SIAH1: variants seen among roughly 807,000 people sequenced by gnomAD.
SIAH1 encodes the protein E3 ubiquitin-protein ligase SIAH1.
Under a neutral mutation model 20.0 loss-of-function variants are expected in SIAH1, and 2 were observed. That is an observed-to-expected ratio of 0.10 (90% CI 0.04 to 0.31). SIAH1 has a LOEUF of 0.31. Among genes scored for constraint, SIAH1 ranks in the 10% least tolerant of loss-of-function variants. The pLI is 1.00. For missense variants in SIAH1, 119 were observed against 355.3 expected (o/e 0.33, Z 5.35); for synonymous variants, 118 against 125.3 (o/e 0.94, Z 0.39).
chr16:48,385,496 G>A (rs1262008172), upstream of SIAH1: 1 of 150,448 alleles, frequency 6.6e-6, no homozygotes, highest in Non-Finnish European at 1.5e-5. Context: ...TGGGAGCCTG[G>A]GGGGGCGGGG....
intron 1 of SIAH1, chr16:48,365,338 A>C: frequency 6.2e-7 from 1 of 1,606,724 alleles, no homozygotes; most frequent in Non-Finnish European, 8.5e-7. Flanking sequence ...ACTGACTAAT[A>C]GCGTTCAAGT....
chr16:48,365,967 G>T, intron 1 of SIAH1: 1 of 1,128,588 alleles, frequency 8.9e-7, no homozygotes, highest in Admixed American at 4.6e-5. Flanking sequence ...TCCAACCCGG[G>T]GCGCCAGGGC....
chr16:48,361,770 T>A lies in SIAH1; in HGVS notation c.659A>T (p.Asn220Ile). The change falls in exon 2 of 2, where the codon AAT (asparagine) becomes ATT (isoleucine). Residue 220 changes from asparagine (N) to isoleucine (I), a missense_variant. By Grantham distance (149) the Asn-to-Ile change is moderately radical. Transcript: ENST00000394725. The part of the protein sequence containing the change: ...QLIGTRKQAE[N>I]FAYRLELNGH... ...ATTTAGCTCAAGTCGGTAAGCAAAA[T>A]TTTCAGCTTGCTTGCGTGTTCCTAT... The A allele has an allele frequency of 6.2e-7, 1 of 1,614,078 alleles. No homozygotes were observed. Among genetic ancestry groups the A allele is most frequent in the Non-Finnish European group, 8.5e-7 (1 of 1,179,992 alleles).
Position 48,361,285 on chromosome 16 carries a change from C to T in SIAH1, c.*295G>A. On this transcript the variant is annotated 3_prime_UTR_variant, in exon 2 of 2. Coordinates refer to ENST00000394725, the MANE Select transcript of SIAH1 (RefSeq NM_003031.4). ...CTTTTTCAACAATACAATCAATCTACAACAAACACAAAACTCAGAATTATT... is the reference window on the plus strand; with the variant it reads ...CTTTTTCAACAATACAATCAATCTATAACAAACACAAAACTCAGAATTATT... 1 of 321,594 alleles carries T rather than the reference C, an allele frequency of 3.1e-6. No homozygotes were observed. Among genetic ancestry groups the T allele is most frequent in the Non-Finnish European group, 5.9e-6 (1 of 169,078 alleles). 19.9% of individuals were successfully genotyped at this position (321,594 alleles called of 1,614,324 possible). A position where few individuals can be genotyped will look rare whatever the true frequency, so the allele number is the denominator to read the frequency against.
At chr16:48,384,696 G>A (rs1374072183) in intron 1 of SIAH1, among the ~76,000 whole-genome samples, 2 of 151,220 alleles carry the variant, frequency 1.3e-5, no homozygotes, top group African/African-American at 4.8e-5. Context: ...GAGCGGCGCG[G>A]TGCGGCCCGG....
intron 1 of SIAH1, among the ~76,000 whole-genome samples, chr16:48,371,048 A>C (rs1597026475): frequency 6.8e-6 from 1 of 146,226 alleles, no homozygotes; most frequent in African/African-American, 2.5e-5. Context: ...CGGGAGGGGG[A>C]GGTTGCAGTG....
chr16:48,375,213 A>C (rs1176054012), intron 1 of SIAH1, among the ~76,000 whole-genome samples: 1 of 152,202 alleles, frequency 6.6e-6, no homozygotes, highest in Non-Finnish European at 1.5e-5. Flanking sequence ...TAGTAAACTG[A>C]AAACAGCCCT....
At chr16:48,381,265 A>G (rs1049722465) in intron 1 of SIAH1, among the ~76,000 whole-genome samples, 8 of 152,138 alleles carry the variant, frequency 5.3e-5, no homozygotes. Context: ...GAATCACTTG[A>G]ACCCAGGAGG....
intron 1 of SIAH1, among the ~76,000 whole-genome samples, chr16:48,369,677 G>A (rs75267077): frequency 0.16 from 24,569 of 152,172 alleles, 2,182 homozygotes; most frequent in Middle Eastern, 0.27. Context: ...GGGATGTAAA[G>A]GCTGCAATGA....
At chr16:48,365,337 T>G (rs775947709) in intron 1 of SIAH1, 3 of 1,606,386 alleles carry the variant, frequency 1.9e-6, no homozygotes, top group Non-Finnish European at 2.6e-6. Context: ...CACTGACTAA[T>G]AGCGTTCAAG....
intron 1 of SIAH1, among the ~76,000 whole-genome samples, chr16:48,377,177 T>C (rs1961131021): frequency 6.6e-6 from 1 of 152,152 alleles, no homozygotes; most frequent in Admixed American, 6.6e-5. Flanking sequence ...TAATTAGTTC[T>C]CCAAAGGTTT....
chr16:48,369,746 TC>T (rs1031824364), intron 1 of SIAH1, among the ~76,000 whole-genome samples: 3 of 152,012 alleles, frequency 2.0e-5, no homozygotes, highest in Non-Finnish European at 4.4e-5. Flanking sequence ...AAGTGTAAGA[TC>T]CCCCTAAAAC....
chr16:48,372,705 G>C (rs898469622), intron 1 of SIAH1, among the ~76,000 whole-genome samples: 8 of 152,126 alleles, frequency 5.3e-5, no homozygotes, highest in African/African-American at 9.7e-5. Flanking sequence ...AAAAAATTAA[G>C]ATTTCATACG....
At chr16:48,372,267 A>G (rs1961004889) in intron 1 of SIAH1, among the ~76,000 whole-genome samples, 1 of 152,290 alleles carries the variant, frequency 6.6e-6, no homozygotes, top group African/African-American at 2.4e-5. Flanking sequence ...TTAAAATTCA[A>G]TTATATTCAG....
upstream of SIAH1, among the ~76,000 whole-genome samples, chr16:48,386,870 G>A (rs1961478057): frequency 6.6e-6 from 1 of 152,216 alleles, no homozygotes; most frequent in Non-Finnish European, 1.5e-5. Context: ...CGCTCTGCAA[G>A]CAGTGAAATG....
Position 48,365,833 on chromosome 16 carries a change from C to T in SIAH1, c.-2-3403G>A, listed in dbSNP as rs1960813017. 4.0e-6 allele frequency: 5 copies of T among 1,247,384 alleles called. No homozygotes were observed. The African/African-American group carries it at 6.1e-5, about 15-fold the overall frequency. The allele number at this position is 1,247,384 out of a possible 1,614,324, so 77.3% of individuals were successfully genotyped here. The stretch of plus-strand genomic sequence containing the variant: ...CAGTGGAGGCCACGGATGCAGGGGG[C>T]GACGCGCTGGCTGAGAAGGAAGTGC... On this transcript the variant is annotated intron_variant, in intron 1 of 1. Transcript: ENST00000394725.
At chr16:48,385,552 G>C (rs1252702490), upstream of SIAH1, 1 of 151,622 alleles carries the variant, frequency 6.6e-6, no homozygotes, top group Non-Finnish European at 1.5e-5. Context: ...GGCCGGCGGC[G>C]GCCTCCGCGG....
intron 1 of SIAH1, among the ~76,000 whole-genome samples, chr16:48,364,475 G>A (rs534202296): frequency 6.6e-6 from 1 of 152,262 alleles, no homozygotes; most frequent in South Asian, 2.1e-4. Flanking sequence ...AAGTTCCAGA[G>A]GCAACAAAAG....
chr16:48,365,117 G>A, intron 1 of SIAH1: 1 of 393,618 alleles, frequency 2.5e-6, no homozygotes, highest in Non-Finnish European at 4.7e-6. Flanking sequence ...AAGCTCCAAG[G>A]GTGGAACCCA....
Sources: allele counts gnomAD v4.1 joint callset (sites outside exome capture counted in the v4.1 genomes callset), GRCh38; gene constraint gnomAD v4.1.1; transcripts MANE v1.5; gene names NCBI Gene and HGNC (gene_info 2026-07-23, HGNC 2026-07-21).